RABEP2: variants seen among roughly 807,000 people sequenced by gnomAD.
The protein encoded by RABEP2 is rabaptin, RAB GTPase binding effector protein 2.
Under a neutral mutation model 74.1 loss-of-function variants are expected in RABEP2, and 57 were observed. The observed-to-expected ratio is 0.77, with a 90% CI of 0.62 to 0.96. RABEP2 has a LOEUF of 0.96. RABEP2 is among the 40% of genes least tolerant of loss of function. The pLI, the probability that RABEP2 is intolerant of heterozygous loss-of-function variation, is 0.00. For synonymous variants in RABEP2, 351 were observed against 344.0 expected, an observed-to-expected ratio of 1.02 and a Z score of -0.23; for missense variants, 692 against 756.3, an observed-to-expected ratio of 0.91 and a Z score of 1.00.
Position 28,914,662 on chromosome 16 carries a change from G to A in RABEP2, c.543+10C>T, listed in dbSNP as rs554753074. On this transcript the variant is annotated intron_variant, in intron 4 of 12. Coordinates refer to ENST00000358201, the MANE Select transcript of RABEP2 (RefSeq NM_024816.3). ...CCTCCTTCCCCAGCGCCCCCTGGCC[G>A]TGCCCTCACCTGGATCTCCTGAATC... 1.6e-5 allele frequency: 26 copies of A among 1,613,752 alleles called. 1 individual carries two copies. Among genetic ancestry groups the A allele is most frequent in the South Asian group, 1.2e-4 (11 of 91,066 alleles).
Position 28,910,994 on chromosome 16 carries a change from G to T in RABEP2, c.991-8C>A. On this transcript the variant is annotated splice_polypyrimidine_tract_variant and splice_region_variant and intron_variant, in intron 6 of 12. Coordinates refer to ENST00000358201, the MANE Select transcript of RABEP2 (RefSeq NM_024816.3). ...GGCCAGGAGCACCTGCATCTGGGTT[G>T]GAGGGAGGGCGAAAGTGAGGGCAAG... The T allele has an allele frequency of 6.2e-7, 1 of 1,610,402 alleles. No individual in the cohort carries two copies.
Position 28,904,484 on chromosome 16 carries a change from G to A in RABEP2, c.*459C>T. On this transcript the variant is annotated 3_prime_UTR_variant, in exon 13 of 13. Transcript: ENST00000358201. ...AAAGTCTGGCCTTGCCTCTGTGCAAGCTTGGAGGCCTGGGTCGCCGCTGTG... is the reference window on the plus strand; with the variant it reads ...AAAGTCTGGCCTTGCCTCTGTGCAAACTTGGAGGCCTGGGTCGCCGCTGTG... 1.3e-6 allele frequency: 2 copies of A among 1,504,322 alleles called. No homozygotes were observed. Among genetic ancestry groups the A allele is most frequent in the Non-Finnish European group, 1.8e-6 (2 of 1,126,704 alleles). 93.2% of individuals were successfully genotyped at this position (1,504,322 alleles called of 1,614,324 possible).
chr16:28,915,448 T>C (rs534310359), intron 3 of RABEP2, among the ~76,000 whole-genome samples: 3 of 152,226 alleles, frequency 2.0e-5, no homozygotes, highest in African/African-American at 7.2e-5. Context: ...CTCAGCTTCC[T>C]TGCAACTAAA....
Position 28,905,892 on chromosome 16 carries a change from A to G in RABEP2, c.1424-14T>C. 1 of 1,613,662 alleles carries G rather than the reference A, an allele frequency of 6.2e-7. No homozygotes were observed. The highest frequency in any genetic ancestry group is 8.5e-7 in the Non-Finnish European group (1 of 1,180,010). Reference sequence around the variant, plus strand: ...CCTCCAGCACCTCTGTGGGAAGGAAAGAAAGAGAGGTCAAGGCCAGCCTCT... The same window carrying G: ...CCTCCAGCACCTCTGTGGGAAGGAAGGAAAGAGAGGTCAAGGCCAGCCTCT... On this transcript the variant is annotated splice_polypyrimidine_tract_variant and intron_variant, in intron 9 of 12. Coordinates refer to ENST00000358201, the MANE Select transcript of RABEP2 (RefSeq NM_024816.3).
At position 28,911,136 on chromosome 16, in the gene RABEP2, C is replaced by T. The variant is rs759348625; in HGVS notation, c.938G>A (p.Arg313Gln). ...QKDLESVSRE[R>Q]DELQEGLRRS... ...TCTCAGGCCCTCTTGGAGCTCGTCCCGCTCGCGACTGACGCTCTCCAGGTC... is the reference window on the plus strand; with the variant it reads ...TCTCAGGCCCTCTTGGAGCTCGTCCTGCTCGCGACTGACGCTCTCCAGGTC... Residue 313 changes from arginine to glutamine, a missense_variant, in exon 6 of 13, where the codon CGG (arginine) becomes CAG (glutamine). By Grantham distance (43) the Arg-to-Gln change is conservative. Transcript: ENST00000358201. 1.9e-5 allele frequency: 30 copies of T among 1,612,608 alleles called. No individual in the cohort carries two copies. The highest frequency in any genetic ancestry group is 2.4e-5 in the Non-Finnish European group (28 of 1,180,008).
chr16:28,905,778 G>T lies in RABEP2; in HGVS notation c.1436-19C>A, dbSNP rs774538358. On this transcript the variant is annotated intron_variant, in intron 10 of 12. Coordinates refer to ENST00000358201, the MANE Select transcript of RABEP2 (RefSeq NM_024816.3). ...AGGGAGGCTGGGAAGTCAGGGCAGG[G>T]GGAGACGTCAGGGCCATGCCCTCTC... The T allele has an allele frequency of 6.2e-7, 1 of 1,613,848 alleles. No individual in the cohort carries two copies. Among genetic ancestry groups the T allele is most frequent in the Non-Finnish European group, 8.5e-7 (1 of 1,179,982 alleles).
chr16:28,905,021 C>A lies in RABEP2; in HGVS notation c.1632G>T (p.Gln544His), dbSNP rs775493623. The change falls in exon 13 of 13, where the codon CAG (glutamine) becomes CAT (histidine). Residue 544 changes from glutamine to histidine, a missense_variant. Transcript: ENST00000358201. ...ALQVRLERIR[Q>H]AETLEQVRSI... ...TGCGCACTTGCTCCAGGGTCTCAGC[C>A]TGGCGGATCCGCTCTAGGCGCACCT... The A allele has an allele frequency of 1.2e-6, 2 of 1,609,414 alleles. No homozygotes were observed. The highest frequency in any genetic ancestry group is 1.7e-6 in the Non-Finnish European group (2 of 1,179,654).
chr16:28,905,778 G>C lies in RABEP2; in HGVS notation c.1436-19C>G, dbSNP rs774538358. 1.2e-6 allele frequency: 2 copies of C among 1,613,848 alleles called. No homozygotes were observed. Among genetic ancestry groups the C allele is most frequent in the Admixed American group, 3.3e-5 (2 of 60,012 alleles). On this transcript the variant is annotated intron_variant, in intron 10 of 12. Transcript: ENST00000358201. Reference sequence around the variant, plus strand: ...AGGGAGGCTGGGAAGTCAGGGCAGGGGGAGACGTCAGGGCCATGCCCTCTC... The same window carrying C: ...AGGGAGGCTGGGAAGTCAGGGCAGGCGGAGACGTCAGGGCCATGCCCTCTC...
At chr16:28,908,828 C>T in intron 7 of RABEP2, 64 bp from the exon 8 acceptor site, 1 of 1,519,134 alleles carries the variant, frequency 6.6e-7, no homozygotes, top group Non-Finnish European at 9.0e-7. Flanking sequence ...CCTAGGAGGC[C>T]AAACCTCCTT....
intron 2 of RABEP2, chr16:28,923,930 G>A: frequency 5.7e-6 from 1 of 174,888 alleles, no homozygotes; most frequent in Non-Finnish European, 1.3e-5. Flanking sequence ...AGAGGACCAA[G>A]TACAAAGAAC....
At chr16:28,919,429 C>T (rs1462855144) in intron 3 of RABEP2, among the ~76,000 whole-genome samples, 1 of 152,218 alleles carries the variant, frequency 6.6e-6, no homozygotes, top group East Asian at 1.9e-4. Flanking sequence ...GGATTATAGG[C>T]GTGAGCCACT....
chr16:28,924,665 C>G, intron 1 of RABEP2, 50 bp from the exon 2 acceptor site: 5 of 1,543,526 alleles, frequency 3.2e-6, no homozygotes, highest in Non-Finnish European at 3.5e-6. Context: ...CCCCAGGCCA[C>G]CTACCGGCTT....
chr16:28,922,928 T>C (rs1173190583), intron 2 of RABEP2, among the ~76,000 whole-genome samples: 1 of 152,094 alleles, frequency 6.6e-6, no homozygotes, highest in East Asian at 1.9e-4. Flanking sequence ...GTTAGGCTGC[T>C]TGGTTTCCAA....
chr16:28,914,197 G>A (rs765797818), intron 5 of RABEP2, 39 bp downstream of exon 5: 45 of 1,500,946 alleles, frequency 3.0e-5, no homozygotes, highest in Non-Finnish European at 3.9e-5. Context: ...CAGCAGAGAG[G>A]GGGATGGTAC....
At chr16:28,922,526 C>T (rs775276039) in intron 2 of RABEP2, among the ~76,000 whole-genome samples, 4 of 151,958 alleles carry the variant, frequency 2.6e-5, no homozygotes, top group African/African-American at 4.8e-5. Flanking sequence ...TCGAGACCAT[C>T]CTGGCTAACA....
chr16:28,924,750 C>A, intron 1 of RABEP2, 135 bp from the exon 2 acceptor site: 1 of 814,144 alleles, frequency 1.2e-6, no homozygotes, highest in South Asian at 1.5e-5. Flanking sequence ...CTCACCTGGC[C>A]CCGCCCCTGC....
intron 5 of RABEP2, among the ~76,000 whole-genome samples, chr16:28,912,398 CTTTCTTTCT>C (rs1964326519): frequency 1.6e-5 from 2 of 126,754 alleles, no homozygotes; most frequent in African/African-American, 5.5e-5. Flanking sequence ...AGTAAGCTTT[CTTTCTTTCT>C]TTTTTTTTTT....
intron 1 of RABEP2, 42 bp from the exon 2 acceptor site, chr16:28,924,657 C>A (rs772491143): frequency 6.4e-7 from 1 of 1,561,200 alleles, no homozygotes; most frequent in Non-Finnish European, 8.7e-7. Flanking sequence ...ATCTCTTACC[C>A]CAGGCCACCT....
Position 28,914,571 on chromosome 16 carries a change from C to A in RABEP2, c.559G>T (p.Ala187Ser). 6.2e-7 allele frequency: 1 copy of A among 1,608,928 alleles called. No individual in the cohort carries two copies. Among genetic ancestry groups the A allele is most frequent in the Non-Finnish European group, 8.5e-7 (1 of 1,177,180 alleles). ...IQEIQRRPRH[A>S]PSLHGSTELL... ...TCCGTGGAGCCGTGCAGGGAAGGGGCATGCCGGGGACGTCTCTAGGGAAGG... is the reference window on the plus strand; with the variant it reads ...TCCGTGGAGCCGTGCAGGGAAGGGGAATGCCGGGGACGTCTCTAGGGAAGG... The change falls in exon 5 of 13, where the codon GCC becomes TCC. Residue 187 changes from alanine (A) to serine (S), a missense_variant. Coordinates refer to ENST00000358201, the MANE Select transcript of RABEP2 (RefSeq NM_024816.3).
Sources: allele counts gnomAD v4.1 joint callset (sites outside exome capture counted in the v4.1 genomes callset), GRCh38; gene constraint gnomAD v4.1.1; transcripts MANE v1.5; gene names NCBI Gene and HGNC (gene_info 2026-07-23, HGNC 2026-07-21).